Variants in CTNND2 observed in about 807,000 individuals in gnomAD.
The protein encoded by CTNND2 is catenin delta 2.
In CTNND2, 22 loss-of-function variants were observed where a neutral mutation model predicts 144.4. The observed-to-expected ratio is 0.15, with a 90% confidence interval of 0.11 to 0.22. The LOEUF (loss-of-function observed/expected upper bound fraction) is 0.22, where lower values mean the gene tolerates loss of function less well. Among genes scored for constraint, CTNND2 ranks in the 10% least tolerant of loss-of-function variants. The pLI is 1.00. For synonymous variants in CTNND2, 751 were observed against 695.6 expected (o/e 1.08, Z -1.25); for missense variants, 1,353 against 1,618.8 (o/e 0.84, Z 2.82).
intron 2 of CTNND2, among the ~76,000 whole-genome samples, chr5:11,667,957 G>A (rs972202534): frequency 1.3e-5 from 2 of 152,154 alleles, no homozygotes; most frequent in African/African-American, 4.8e-5. Context: ...TGTAAGGAAG[G>A]GATCCAGTTC....
chr5:10,983,294 AT>A (rs35103030), intron 20 of CTNND2, among the ~76,000 whole-genome samples: 4,188 of 152,018 alleles, frequency 0.028, 89 homozygotes, highest in Non-Finnish European at 0.035. Flanking sequence ...GTATTCATAA[AT>A]TTTTTTTTAA....
chr5:11,749,244 G>C (rs1230337313), intron 1 of CTNND2, among the ~76,000 whole-genome samples: 2 of 152,008 alleles, frequency 1.3e-5, no homozygotes. Context: ...CTAGATTCTT[G>C]ACTCACAGAA....
chr5:11,332,595 T>A (rs909740415), intron 9 of CTNND2, among the ~76,000 whole-genome samples: 10 of 152,224 alleles, frequency 6.6e-5, no homozygotes, highest in Non-Finnish European at 1.2e-4. Context: ...CCAAAACTTC[T>A]TCATCATCCA....
chr5:11,114,432 T>A (rs369693750), intron 13 of CTNND2, among the ~76,000 whole-genome samples: 42 of 152,218 alleles, frequency 2.8e-4, no homozygotes, highest in Middle Eastern at 6.8e-3. Context: ...CATTTATCTG[T>A]CATTTAAGCC....
At chr5:11,087,471 C>CTCTA (rs1750295398) in intron 15 of CTNND2, among the ~76,000 whole-genome samples, 1 of 152,170 alleles carries the variant, frequency 6.6e-6, no homozygotes. Context: ...TTGGTTCCTG[C>CTCTA]TCTAGGATTT....
At chr5:11,769,046 G>A (rs905987107) in intron 1 of CTNND2, among the ~76,000 whole-genome samples, 5 of 152,144 alleles carry the variant, frequency 3.3e-5, no homozygotes, top group Non-Finnish European at 5.9e-5. Flanking sequence ...CACATCAGTG[G>A]TTCTCAAACT....
chr5:11,644,397 G>A (rs369717679), intron 2 of CTNND2, among the ~76,000 whole-genome samples: 4 of 152,180 alleles, frequency 2.6e-5, no homozygotes, highest in African/African-American at 7.2e-5. Context: ...CGGCTGTGCC[G>A]GGTGCAGTGG....
At chr5:11,739,020 A>G (rs892988908) in intron 1 of CTNND2, among the ~76,000 whole-genome samples, 1 of 152,136 alleles carries the variant, frequency 6.6e-6, no homozygotes, top group African/African-American at 2.4e-5. Flanking sequence ...AGCAGCCCCT[A>G]CCCACACATG....
At chr5:11,177,083 T>C (rs1037872828) in intron 11 of CTNND2, among the ~76,000 whole-genome samples, 4 of 152,238 alleles carry the variant, frequency 2.6e-5, no homozygotes, top group East Asian at 1.9e-4. Flanking sequence ...TCCAGGTACA[T>C]AATCTTGTGA....
At chr5:10,981,642 G>T in intron 21 of CTNND2, 131 bp downstream of exon 21, 1 of 800,286 alleles carries the variant, frequency 1.2e-6, no homozygotes, top group Non-Finnish European at 2.1e-6. Context: ...CGTGAGGAGA[G>T]GGCCTCAGGG....
At chr5:11,223,255 T>A (rs1739980860) in intron 10 of CTNND2, among the ~76,000 whole-genome samples, 1 of 152,208 alleles carries the variant, frequency 6.6e-6, no homozygotes, top group Non-Finnish European at 1.5e-5. Context: ...CCCTTGTCCA[T>A]CTTCCTTGAA....
chr5:11,410,673 T>C (rs1053697464), intron 5 of CTNND2, among the ~76,000 whole-genome samples: 26 of 152,146 alleles, frequency 1.7e-4, no homozygotes, highest in Admixed American at 1.6e-3. Flanking sequence ...AGAAAGTGAT[T>C]TTTAAATGTT....
chr5:11,440,066 G>C (rs1764136046), intron 3 of CTNND2, among the ~76,000 whole-genome samples: 1 of 152,016 alleles, frequency 6.6e-6, no homozygotes, highest in South Asian at 2.1e-4. Context: ...GGACAGTTCT[G>C]AGAAAATCAG....
intron 15 of CTNND2, among the ~76,000 whole-genome samples, chr5:11,094,196 T>C (rs1751069779): frequency 6.6e-6 from 1 of 152,164 alleles, no homozygotes; most frequent in Non-Finnish European, 1.5e-5. Context: ...AAGACTGACA[T>C]CCTAAGAGGC....
intron 2 of CTNND2, among the ~76,000 whole-genome samples, chr5:11,594,695 C>T (rs1275421498): frequency 6.6e-6 from 1 of 152,154 alleles, no homozygotes; most frequent in Non-Finnish European, 1.5e-5. Flanking sequence ...CAAATATACA[C>T]ACACAAACAA....
intron 9 of CTNND2, among the ~76,000 whole-genome samples, chr5:11,266,141 CT>C (rs1221154843): frequency 6.6e-6 from 1 of 152,106 alleles, no homozygotes. Flanking sequence ...TTTTCGTCAC[CT>C]AACTACAGCA....
chr5:11,562,368 T>C (rs1377183133), intron 3 of CTNND2, among the ~76,000 whole-genome samples: 1 of 152,174 alleles, frequency 6.6e-6, no homozygotes, highest in African/African-American at 2.4e-5. Flanking sequence ...TCACCTTTAA[T>C]GAAAACTTGA....
intron 1 of CTNND2, among the ~76,000 whole-genome samples, chr5:11,816,252 T>G (rs965951029): frequency 6.6e-6 from 1 of 152,116 alleles, no homozygotes; most frequent in Non-Finnish European, 1.5e-5. Context: ...TCAGTGAGTA[T>G]AGAGTTCCCA....
chr5:11,137,874 C>T lies in CTNND2; in HGVS notation c.2160-20307G>A, dbSNP rs116142189. 2.9e-3 allele frequency among the ~76,000 whole-genome samples: 443 copies of T among 152,270 alleles called. 2 individuals carry two copies. The highest frequency in any genetic ancestry group is 0.01 in the African/African-American group (418 of 41,554). On this transcript the variant is annotated intron_variant, in intron 12 of 21. Transcript: ENST00000304623. ...CTGTATTAGCTTTTTGCTACTGCCACAAGTTACCTCTAATTTACCAGACTA... is the reference window on the plus strand; with the variant it reads ...CTGTATTAGCTTTTTGCTACTGCCATAAGTTACCTCTAATTTACCAGACTA...
Sources: gnomAD v4.1 joint callset for allele counts (sites outside exome capture counted in the v4.1 genomes callset) on GRCh38, gnomAD v4.1.1 for gene constraint, MANE v1.5 for transcripts, NCBI Gene and HGNC (gene_info 2026-07-23, HGNC 2026-07-21) for gene names.